The following MARF1 variants were observed in gnomAD, a reference collection of about 807,000 sequenced individuals.
The protein encoded by MARF1 is meiosis regulator and mRNA stability factor 1.
In MARF1, 24 loss-of-function variants were observed where a neutral mutation model predicts 168.2. The observed-to-expected ratio is 0.14, with a 90% CI of 0.10 to 0.20. The LOEUF is 0.20. Among genes scored for constraint, MARF1 ranks in the 10% least tolerant of loss-of-function variants. The probability of loss-of-function intolerance (pLI) is 1.00; values close to 1 mark genes in which losing one functional copy is unlikely to be tolerated. For synonymous variants in MARF1, 868 were observed against 822.4 expected (o/e 1.06, Z -0.95); for missense variants, 1,744 against 2,143.6 (o/e 0.81, Z 3.68).
rs1209433432 is a variant in MARF1, at chr16:15,635,788, A to G, written c.699T>C (p.Ala233=). 1.9e-6 allele frequency: 3 copies of G among 1,614,158 alleles called. No individual in the cohort carries two copies. The highest frequency in any genetic ancestry group is 1.7e-6 in the Non-Finnish European group (2 of 1,180,028). The stretch of plus-strand genomic sequence containing the variant: ...AAATGTGCTCTTCCAAATGCCCTGG[A>G]GCCCCGCTTGTGAAATCAGAACAGG... The part of the protein sequence containing the change: ...YFPCSDFTSG[A]PGHLEEHISQ... Residue 233 remains alanine, a synonymous_variant, in exon 3 of 27, where the codon GCT becomes GCC. Transcript: ENST00000396368.
intron 13 of MARF1, among the ~76,000 whole-genome samples, chr16:15,619,211 A>AG (rs549623911): frequency 4.6e-4 from 70 of 152,362 alleles, no homozygotes; most frequent in African/African-American, 1.6e-3. Flanking sequence ...CAGGAGTCTG[A>AG]GGCTGCAATG....
In MARF1 at chr16:15,616,038, G is replaced by C. The variant is rs760318409; in HGVS notation, c.3078-33C>G. 15 of 1,427,794 alleles carry C rather than the reference G, an allele frequency of 1.1e-5. No homozygotes were observed. The South Asian group carries it at 2.4e-4, about 23-fold the overall frequency. The allele number at this position is 1,427,794 out of a possible 1,614,324, so 88.4% of individuals were successfully genotyped here. On this transcript the variant is annotated intron_variant, in intron 15 of 26. Coordinates refer to ENST00000396368, the MANE Select transcript of MARF1 (RefSeq NM_014647.4). The stretch of plus-strand genomic sequence containing the variant: ...AGGAAAAAACAACAAAAAAAGGAAA[G>C]GTTAAATCAAAATAACAGAAAAGGA...
At position 15,598,957 on chromosome 16, in the gene MARF1, C is replaced by G. The variant is rs758070811; in HGVS notation, c.4881G>C (p.Ala1627=). 1 of 1,613,232 alleles carries G rather than the reference C, an allele frequency of 6.2e-7. No individual in the cohort carries two copies. Among genetic ancestry groups the G allele is most frequent in the South Asian group, 1.1e-5 (1 of 91,024 alleles). ...TDDSPVDLLC[A]PVPSCLPSPQ... ...GGGACGGCAGGCACGAGGGGACAGGCGCACACAGGAGGTCGACGGGGGAGT... is the reference window on the plus strand; with the variant it reads ...GGGACGGCAGGCACGAGGGGACAGGGGCACACAGGAGGTCGACGGGGGAGT... The change falls in exon 26 of 27, where the codon GCG becomes GCC. Residue 1627 remains alanine (A), a synonymous_variant. Coordinates refer to ENST00000396368, the MANE Select transcript of MARF1 (RefSeq NM_014647.4).
At chr16:15,614,298 C>T (rs1215671436) in intron 16 of MARF1, among the ~76,000 whole-genome samples, 6 of 128,862 alleles carry the variant, frequency 4.7e-5, no homozygotes, top group Admixed American at 1.6e-4. Context: ...CTTGCTAACA[C>T]GGTGAAACCC....
At chr16:15,612,916 TCA>T in intron 16 of MARF1, 139 bp from the exon 17 acceptor site, 1 of 658,382 alleles carries the variant, frequency 1.5e-6, no homozygotes, top group East Asian at 2.6e-5. Context: ...GCTTTACGTC[TCA>T]GTTTCTATAT....
intron 5 of MARF1, among the ~76,000 whole-genome samples, chr16:15,632,552 T>A (rs1414884541): frequency 6.6e-6 from 1 of 152,018 alleles, no homozygotes; most frequent in Non-Finnish European, 1.5e-5. Flanking sequence ...GGATCTGGGG[T>A]GAGGTGGTAG....
intron 10 of MARF1, 66 bp from the exon 11 acceptor site, chr16:15,623,189 T>G (rs2034589528): frequency 1.5e-6 from 2 of 1,293,476 alleles, no homozygotes; most frequent in Non-Finnish European, 1.0e-6. Context: ...TTTTATCATT[T>G]AGGCTTTGTT....
Position 15,611,578 on chromosome 16 carries a change from T to G in MARF1, c.3617+14A>C, listed in dbSNP as rs773986540. The G allele has an allele frequency of 1.2e-6, 2 of 1,611,410 alleles. No individual in the cohort carries two copies. The highest frequency in any genetic ancestry group is 1.7e-6 in the Non-Finnish European group (2 of 1,178,536). On this transcript the variant is annotated intron_variant, in intron 18 of 26. Transcript: ENST00000396368. ...AAATATTTACTTTCATTTCTGTTCT[T>G]TTCATCAACTCACCAGTGATAAGCC... is the stretch of plus-strand genomic sequence containing the variant.
intron 19 of MARF1, 51 bp from the exon 20 acceptor site, chr16:15,609,776 G>A: frequency 1.4e-6 from 2 of 1,463,656 alleles, no homozygotes; most frequent in Non-Finnish European, 1.9e-6. Flanking sequence ...CTACCCATTT[G>A]TGTTCAACAT....
At chr16:15,625,978 T>C (rs1426690193) in intron 7 of MARF1, among the ~76,000 whole-genome samples, 178 bp from the exon 8 acceptor site, 3 of 152,162 alleles carry the variant, frequency 2.0e-5, no homozygotes, top group African/African-American at 7.2e-5. Flanking sequence ...AATATTGTTT[T>C]AAAGAATATG....
chr16:15,640,379 C>T (rs181513232), intron 1 of MARF1, among the ~76,000 whole-genome samples: 14 of 152,268 alleles, frequency 9.2e-5, no homozygotes, highest in Admixed American at 6.5e-4. Flanking sequence ...GTTATATCTA[C>T]GCCAGAGCAA....
chr16:15,624,961 A>G (rs1350851351), intron 9 of MARF1, 34 bp from the exon 10 acceptor site: 4 of 1,613,782 alleles, frequency 2.5e-6, no homozygotes, highest in Non-Finnish European at 2.5e-6. Flanking sequence ...GCAAAAGGTC[A>G]TATGTCTTCC....
chr16:15,630,553 T>C (rs1338679915), intron 6 of MARF1, 49 bp from the exon 7 acceptor site: 12 of 1,531,948 alleles, frequency 7.8e-6, no homozygotes, highest in African/African-American at 2.8e-5. Flanking sequence ...TTAGAAACAC[T>C]TGACAAAGAC....
At position 15,609,737 on chromosome 16, in the gene MARF1, A is replaced by G. The variant is rs760512870; in HGVS notation, c.3752-12T>C. ...ATCCTGAGTGCGTTCTTTTAAAAAAACCAAAAAACATAAAATCACAGTTTT... is the reference window on the plus strand; with the variant it reads ...ATCCTGAGTGCGTTCTTTTAAAAAAGCCAAAAAACATAAAATCACAGTTTT... On this transcript the variant is annotated splice_polypyrimidine_tract_variant and intron_variant, in intron 19 of 26. Transcript: ENST00000396368. The G allele has an allele frequency of 1.2e-6, 2 of 1,609,990 alleles. No individual in the cohort carries two copies. The highest frequency in any genetic ancestry group is 1.1e-5 in the South Asian group (1 of 90,686).
Position 15,615,905 on chromosome 16 carries a change from C to T in MARF1, c.3178G>A (p.Val1060Ile). The T allele has an allele frequency of 6.2e-7, 1 of 1,604,036 alleles. No homozygotes were observed. The highest frequency in any genetic ancestry group is 8.5e-7 in the Non-Finnish European group (1 of 1,174,694). ...LEHFITCVPG[V>I]NIATAQNGIK... is the part of the protein sequence containing the mutation. ...CCATTCTGAGCAGTGGCAATGTTTA[C>T]ACCTGGAACACAGGTAATGAAGTGT... Residue 1060 changes from valine (V) to isoleucine (I), a missense_variant, in exon 16 of 27, where the codon GTA becomes ATA. Val to Ile is a conservative substitution (Grantham distance 29). Transcript: ENST00000396368.
rs1482496982 is a variant in MARF1, at chr16:15,623,078, G to C, written c.2316C>G (p.Phe772Leu). Reference protein sequence around the residue: ...NLLNRASPLAFNIANSSSEAD... With the variant: ...NLLNRASPLALNIANSSSEAD... ...CTTCGCTGCTCGAATTTGCAATGTT[G>C]AAAGCAAGCGGGGATGCTCTGTTTA... Residue 772 changes from phenylalanine to leucine, a missense_variant, in exon 11 of 27, where the codon TTC becomes TTG. Phe to Leu is a conservative substitution (Grantham distance 22, BLOSUM62 0). Coordinates refer to ENST00000396368, the MANE Select transcript of MARF1 (RefSeq NM_014647.4). The C allele has an allele frequency of 6.2e-7, 1 of 1,610,392 alleles. No homozygotes were observed. Among genetic ancestry groups the C allele is most frequent in the South Asian group, 1.1e-5 (1 of 90,914 alleles).
At position 15,609,684 on chromosome 16, in the gene MARF1, T is replaced by C; in HGVS notation, c.3793A>G (p.Lys1265Glu). 6.2e-7 allele frequency: 1 copy of C among 1,614,198 alleles called. No individual in the cohort carries two copies. The highest frequency in any genetic ancestry group is 8.5e-7 in the Non-Finnish European group (1 of 1,180,020). ...DEIERTKQFS[K>E]DVVDLLRHQP... ...TGACGCAGCAAATCAACGACATCCT[T>C]GGAGAACTGTTTTGTCCTTTCTATT... The change falls in exon 20 of 27, where the codon AAG becomes GAG. Residue 1265 changes from lysine to glutamate, a missense_variant. Physicochemically the swap from Lys to Glu is moderately conservative, Grantham distance 56 (BLOSUM62 1). Around this residue, in one of 7 missense-constraint regions of MARF1, gnomAD observed 543 missense variants for 742.1 expected, o/e 0.73. Coordinates refer to ENST00000396368, the MANE Select transcript of MARF1 (RefSeq NM_014647.4).
chr16:15,629,036 CTT>C (rs35295986), intron 7 of MARF1, among the ~76,000 whole-genome samples: 30 of 138,480 alleles, frequency 2.2e-4, no homozygotes, highest in East Asian at 2.1e-4. Context: ...ACTACATTTA[CTT>C]TTTTTTTTTT....
intron 3 of MARF1, chr16:15,635,405 AC>A: frequency 2.0e-6 from 1 of 506,066 alleles, no homozygotes. Flanking sequence ...GGCTTTGCCA[AC>A]CTCTTGTTTG....
Sources: gnomAD v4.1 joint callset for allele counts (sites outside exome capture counted in the v4.1 genomes callset) on GRCh38, gnomAD v4.1.1 for gene constraint, gnomAD v4.1.1 regional missense constraint, MANE v1.5 for transcripts, NCBI Gene and HGNC (gene_info 2026-07-23, HGNC 2026-07-21) for gene names.